Variants in TTC39B observed in about 807,000 individuals in gnomAD.
TTC39B encodes the protein tetratricopeptide repeat domain 39B.
Under a neutral mutation model 96.6 loss-of-function variants are expected in TTC39B, and 92 were observed. The ratio of observed to expected loss-of-function variants is 0.95; its 90% CI spans 0.80 to 1.13. TTC39B has a LOEUF of 1.13. Ranked by LOEUF, TTC39B falls within the 50% of genes most tolerant of loss-of-function variation. The pLI, the probability that TTC39B is intolerant of heterozygous loss-of-function variation, is 0.00. For synonymous variants in TTC39B, 367 were observed against 299.4 expected (o/e 1.23, Z -2.33); for missense variants, 955 against 809.3 (o/e 1.18, Z -2.18).
At chr9:15,218,446 C>A (rs886457669) in intron 3 of TTC39B, among the ~76,000 whole-genome samples, 1 of 152,004 alleles carries the variant, frequency 6.6e-6, no homozygotes, top group Non-Finnish European at 1.5e-5. Context: ...AAGCCCTATG[C>A]AAGTTAACAA....
chr9:15,237,985 T>C (rs536963954), intron 2 of TTC39B, among the ~76,000 whole-genome samples: 6 of 152,238 alleles, frequency 3.9e-5, no homozygotes, highest in African/African-American at 1.2e-4. Context: ...GTTCAACATA[T>C]GCAAATCAAT....
chr9:15,266,876 G>A (rs901579226), intron 2 of TTC39B, among the ~76,000 whole-genome samples: 6 of 152,094 alleles, frequency 3.9e-5, no homozygotes, highest in African/African-American at 1.4e-4. Flanking sequence ...TCAGGAGATG[G>A]AGACCATCCT....
intron 2 of TTC39B, among the ~76,000 whole-genome samples, chr9:15,237,511 C>G (rs1159217453): frequency 6.6e-6 from 1 of 151,936 alleles, no homozygotes; most frequent in Non-Finnish European, 1.5e-5. Context: ...CTCATTTATG[C>G]ACACAAACTA....
chr9:15,273,340 A>G (rs1424961225), intron 1 of TTC39B, among the ~76,000 whole-genome samples: 1 of 152,210 alleles, frequency 6.6e-6, no homozygotes, highest in African/African-American at 2.4e-5. Flanking sequence ...TTGAAAAGGA[A>G]TATGTGACAA....
At chr9:15,240,545 A>T (rs1821993468) in intron 2 of TTC39B, among the ~76,000 whole-genome samples, 1 of 152,218 alleles carries the variant, frequency 6.6e-6, no homozygotes, top group Non-Finnish European at 1.5e-5. Context: ...CATTTTAACA[A>T]TAATGAAAAA....
chr9:15,294,020 T>C (rs1047575579), intron 1 of TTC39B, among the ~76,000 whole-genome samples: 4 of 152,250 alleles, frequency 2.6e-5, no homozygotes, highest in African/African-American at 9.6e-5. Flanking sequence ...AGAGATCGAC[T>C]GATTCACGAA....
rs1824173472 is a variant in TTC39B at position 15,291,075 on chromosome 9, G to A, written c.240+16009C>T. On this transcript the variant is annotated intron_variant, in intron 1 of 19. Transcript: ENST00000512701. ...AGAGGATAAAACTCTCACATTGTTA[G>A]ACAGCATTAAAGGAATTCCTTTGCT... is the stretch of plus-strand genomic sequence containing the variant. Among the ~76,000 whole-genome samples, 5 of 152,358 alleles carry A rather than the reference G, an allele frequency of 3.3e-5. No individual in the cohort carries two copies. In the South Asian group the frequency reaches 1.0e-3, roughly 32 times the overall value.
chr9:15,183,170 G>C (rs755436613), intron 16 of TTC39B, among the ~76,000 whole-genome samples: 1 of 152,102 alleles, frequency 6.6e-6, no homozygotes, highest in Non-Finnish European at 1.5e-5. Flanking sequence ...AGCTTGAAAA[G>C]CCTCTTAGCA....
At chr9:15,270,461 TCTC>T (rs1586986053) in intron 1 of TTC39B, among the ~76,000 whole-genome samples, 1 of 152,000 alleles carries the variant, frequency 6.6e-6, no homozygotes, top group East Asian at 1.9e-4. Flanking sequence ...TTCTGTGCCT[TCTC>T]CTCCTCCTCA....
chr9:15,210,256 A>G lies in TTC39B; in HGVS notation c.615-92T>C, dbSNP rs547644385. On this transcript the variant is annotated intron_variant, in intron 5 of 19. Coordinates refer to ENST00000512701, the Ensembl canonical transcript of TTC39B. ...TTTGACGTTCATTTCAGTCACTATC[A>G]CACCAAAGAGTCAAAAAGCTGAAAC... is the stretch of plus-strand genomic sequence containing the variant. 28 of 826,584 alleles carry G rather than the reference A, an allele frequency of 3.4e-5. No homozygotes were observed. In the African/African-American group the frequency reaches 4.5e-4, roughly 13 times the overall value. The allele number at this position is 826,584 out of a possible 1,614,324, so 51.2% of individuals were successfully genotyped here.
chr9:15,305,176 G>T (rs1188053809), intron 1 of TTC39B, among the ~76,000 whole-genome samples: 1 of 152,048 alleles, frequency 6.6e-6, no homozygotes, highest in Non-Finnish European at 1.5e-5. Context: ...ATAAATCAAG[G>T]GTATCCAGTC....
chr9:15,268,028 A>G, intron 1 of TTC39B, 80 bp from the exon 2 acceptor site: 1 of 1,334,178 alleles, frequency 7.5e-7, no homozygotes, highest in Non-Finnish European at 1.1e-6. Flanking sequence ...GAAAATGAAT[A>G]CACGCATTGG....
At chr9:15,170,185 T>TAGTAGC (rs55688150) in exon 20 of TTC39B, 6 of 151,328 alleles carry the variant, frequency 4.0e-5, no homozygotes, top group Non-Finnish European at 7.4e-5. Context: ...TCTACCGCCA[T>TAGTAGC]TGATATCTAT....
At chr9:15,236,243 T>C (rs1377640357) in intron 2 of TTC39B, among the ~76,000 whole-genome samples, 3 of 152,184 alleles carry the variant, frequency 2.0e-5, no homozygotes, top group African/African-American at 7.2e-5. Flanking sequence ...TGTATAATGA[T>C]AAAGGATTCA....
At chr9:15,237,679 G>A (rs1490109799) in intron 2 of TTC39B, among the ~76,000 whole-genome samples, 2 of 146,622 alleles carry the variant, frequency 1.4e-5, no homozygotes, top group Non-Finnish European at 3.0e-5. Flanking sequence ...AGCAGCTCAG[G>A]ACCAGATGCA....
At chr9:15,279,903 T>G (rs1823693482) in intron 1 of TTC39B, among the ~76,000 whole-genome samples, 1 of 144,170 alleles carries the variant, frequency 6.9e-6, no homozygotes, top group Non-Finnish European at 1.5e-5. Flanking sequence ...TTTTTTTTTT[T>G]TTTTTTTTTT....
At chr9:15,228,929 A>C (rs1486671799) in intron 2 of TTC39B, among the ~76,000 whole-genome samples, 1 of 152,198 alleles carries the variant, frequency 6.6e-6, no homozygotes, top group Non-Finnish European at 1.5e-5. Flanking sequence ...CAGATTCTTC[A>C]AGTTCTTTAT....
At chr9:15,177,814 T>A in exon 18 of TTC39B, 5 of 1,556,084 alleles carry the variant, frequency 3.2e-6, no homozygotes, top group Non-Finnish European at 4.4e-6. Flanking sequence ...GCTGTTAAAA[T>A]CTTAAAACAA....
At chr9:15,192,761 ATTTTACACTTATGTG>A (rs1818932035) in intron 8 of TTC39B, 66 bp from the exon 9 acceptor site, 1 of 1,084,296 alleles carries the variant, frequency 9.2e-7, no homozygotes, top group Non-Finnish European at 1.4e-6. Flanking sequence ...ATTAAATCAA[ATTTTACACTTATGTG>A]CTATAAAATA....
Sources: allele counts gnomAD v4.1 joint callset (sites outside exome capture counted in the v4.1 genomes callset), GRCh38; gene constraint gnomAD v4.1.1; transcripts MANE v1.5; gene names NCBI Gene and HGNC (gene_info 2026-07-23, HGNC 2026-07-21).